The following ABCF2 variants were observed in gnomAD, a reference collection of about 807,000 sequenced individuals.
ABCF2 encodes the protein ATP binding cassette subfamily F member 2, also known as ATP-binding cassette sub-family F member 2.
Under a neutral mutation model 76.9 loss-of-function variants are expected in ABCF2, and 37 were observed. The ratio of observed to expected loss-of-function variants is 0.48; its 90% CI spans 0.37 to 0.63. The LOEUF (loss-of-function observed/expected upper bound fraction) is 0.63. Among genes scored for constraint, ABCF2 ranks in the 30% least tolerant of loss-of-function variants. The pLI, the probability that ABCF2 is intolerant of heterozygous loss-of-function variation, is 0.00. For missense variants in ABCF2, 524 were observed against 782.1 expected, an observed-to-expected ratio of 0.67 and a Z score of 3.94; for synonymous variants, 299 against 283.7, an observed-to-expected ratio of 1.05 and a Z score of -0.54.
At chr7:151,221,884 C>CT in intron 6 of ABCF2, 1 of 515,946 alleles carries the variant, frequency 1.9e-6, no homozygotes, top group Non-Finnish European at 3.5e-6. Context: ...GCGAGACAGC[C>CT]TGAGTTTCCT....
rs539483632 is a variant in ABCF2, at chr7:151,215,229, C to T, written c.1531-147G>A. ...AGAGAGACCCACTAGTCTCTTGAGG[C>T]CTGAAAGAGACTCATCCGGAAACCT... On this transcript the variant is annotated intron_variant, in intron 13 of 14. Transcript: ENST00000287844. This position sits in a 1 kb window ranked among gnomAD's most constrained non-coding sequence, Gnocchi z 4.6. The T allele has an allele frequency of 6.1e-4, 496 of 807,502 alleles. 2 individuals carry two copies. The highest frequency in any genetic ancestry group is 9.1e-4 in the Non-Finnish European group (465 of 509,712). The allele number at this position is 807,502 out of a possible 1,614,324, so 50.0% of individuals were successfully genotyped here.
chr7:151,220,645 G>A (rs1802248611), intron 7 of ABCF2, among the ~76,000 whole-genome samples: 1 of 152,140 alleles, frequency 6.6e-6, no homozygotes, highest in Non-Finnish European at 1.5e-5. Context: ...CATGGGAGGT[G>A]GGGTAAATGT....
intron 3 of ABCF2, among the ~76,000 whole-genome samples, 191 bp downstream of exon 3, chr7:151,224,585 G>A: frequency 6.6e-6 from 1 of 152,202 alleles, no homozygotes; most frequent in East Asian, 1.9e-4. Flanking sequence ...AAGCATTTCA[G>A]ATAAGGGATA....
Position 151,212,221 on chromosome 7 carries a change from G to T in ABCF2, c.*1833C>A. ...CTTCCCATAGGGATGGCTGATTTCA[G>T]AGGCAGAGTGATGAATCCACACCAG... On this transcript the variant is annotated 3_prime_UTR_variant, in exon 15 of 15. Transcript: ENST00000287844. The T allele has an allele frequency of 1.0e-6, 1 of 985,462 alleles. No individual in the cohort carries two copies. The highest frequency in any genetic ancestry group is 1.2e-6 in the Non-Finnish European group (1 of 829,936). The allele number at this position is 985,462 out of a possible 1,614,324, so 61.0% of individuals were successfully genotyped here.
At position 151,214,121 on chromosome 7, in the gene ABCF2, T is replaced by G; in HGVS notation, c.1805A>C (p.Lys602Thr). 1 of 1,614,204 alleles carries G rather than the reference T, an allele frequency of 6.2e-7. No homozygotes were observed. Among genetic ancestry groups the G allele is most frequent in the East Asian group, 2.2e-5 (1 of 44,892 alleles). The change falls in exon 15 of 15, where the codon AAG becomes ACG. Residue 602 changes from lysine (K) to threonine (T), a missense_variant. By Grantham distance (78) the Lys-to-Thr change is moderately conservative. Around this residue, in one of 2 missense-constraint regions of ABCF2, gnomAD observed 194 missense variants for 348.6 expected, o/e 0.56. Coordinates refer to ENST00000287844, the MANE Select transcript of ABCF2 (RefSeq NM_007189.3). The surrounding 1 kb of genome is among the most constrained non-coding windows in gnomAD (Gnocchi z 4.9). The stretch of plus-strand genomic sequence containing the variant: ...CACCAGCTTGGACTTGAGGTGCTCC[T>G]TGTAAGCCAGGATGTCTCCAGGCCA... ...TKWPGDILAY[K>T]EHLKSKLVDE...
In ABCF2 at chr7:151,213,571, C is replaced by A; in HGVS notation, c.*483G>T. 1 of 987,672 alleles carries A rather than the reference C, an allele frequency of 1.0e-6. No individual in the cohort carries two copies. Among genetic ancestry groups the A allele is most frequent in the Non-Finnish European group, 1.2e-6 (1 of 831,712 alleles). 61.2% of individuals were successfully genotyped at this position (987,672 alleles called of 1,614,324 possible). ...TCACGCAGGTCTAAAAGTTACACTG[C>A]TAAATAATTATTTAAAAACTGACCA... On this transcript the variant is annotated 3_prime_UTR_variant, in exon 15 of 15. Coordinates refer to ENST00000287844, the MANE Select transcript of ABCF2 (RefSeq NM_007189.3).
At position 151,212,107 on chromosome 7, in the gene ABCF2, T is replaced by G. The variant is rs1402279306; in HGVS notation, c.*1947A>C. On this transcript the variant is annotated 3_prime_UTR_variant, in exon 15 of 15. Coordinates refer to ENST00000287844, the MANE Select transcript of ABCF2 (RefSeq NM_007189.3). ...TCTTACTGGCTTTCCAAGAAGATCA[T>G]GAGCTCCTAAGGGGTTTAAGCACCA... The G allele has an allele frequency of 3.2e-5, 31 of 981,806 alleles. No homozygotes were observed. Among genetic ancestry groups the G allele is most frequent in the Non-Finnish European group, 3.7e-5 (31 of 826,676 alleles). 60.8% of individuals were successfully genotyped at this position (981,806 alleles called of 1,614,324 possible). A position where few individuals can be genotyped will look rare whatever the true frequency, so the allele number is the denominator to read the frequency against.
intron 6 of ABCF2, 136 bp downstream of exon 6, chr7:151,222,385 T>C (rs1802286551): frequency 3.2e-6 from 2 of 619,640 alleles, no homozygotes; most frequent in Non-Finnish European, 5.6e-6. Context: ...GCTCACTGCT[T>C]GTCCAAGAAA....
At chr7:151,221,916 A>T in intron 6 of ABCF2, 1 of 473,960 alleles carries the variant, frequency 2.1e-6, no homozygotes, top group Middle Eastern at 5.1e-4. Flanking sequence ...TCTAATTTTC[A>T]ACAGAATGGG....
chr7:151,216,061 A>G (rs1317414463), intron 11 of ABCF2, 32 bp from the exon 12 acceptor site: 2 of 1,595,306 alleles, frequency 1.3e-6, no homozygotes, highest in South Asian at 1.1e-5. Flanking sequence ...CGTAAGCATG[A>G]AACAAAGGAA....
chr7:151,216,245 A>C (rs1207509847), intron 11 of ABCF2, among the ~76,000 whole-genome samples: 2 of 152,242 alleles, frequency 1.3e-5, no homozygotes, highest in African/African-American at 4.8e-5. Flanking sequence ...GATACAATTT[A>C]AGTAGTTATA....
At position 151,218,615 on chromosome 7, in the gene ABCF2, G is replaced by A; in HGVS notation, c.1173C>T (p.Ile391=). 6.2e-7 allele frequency: 1 copy of A among 1,614,106 alleles called. No individual in the cohort carries two copies. The highest frequency in any genetic ancestry group is 8.5e-7 in the Non-Finnish European group (1 of 1,180,024). The part of the protein sequence containing the change: ...LSFYFPPCGK[I]PPPVIMVQNV... ...TTTGCACCATAATGACAGGTGGAGG[G>A]ATCTTGCCACATGGTGGGAAATAAA... The change falls in exon 10 of 15, where the codon ATC becomes ATT. Residue 391 remains isoleucine, a synonymous_variant. Coordinates refer to ENST00000287844, the MANE Select transcript of ABCF2 (RefSeq NM_007189.3).
intron 2 of ABCF2, 126 bp from the exon 3 acceptor site, chr7:151,225,114 G>A: frequency 1.2e-6 from 1 of 840,304 alleles, no homozygotes; most frequent in Non-Finnish European, 2.0e-6. Context: ...ACTTTACAGA[G>A]TGCACAATGA....
chr7:151,220,415 T>C lies in ABCF2; in HGVS notation c.921+1163A>G, dbSNP rs543292118. ...AAAAAAAAAAAAAAAAAAGCTGCAA[T>C]TGTATAAAAAGAAAAAGATTACGTA... On this transcript the variant is annotated intron_variant, in intron 7 of 14. Transcript: ENST00000287844. 1.1e-4 allele frequency among the ~76,000 whole-genome samples: 16 copies of C among 147,118 alleles called. No homozygotes were observed. The South Asian group carries it at 3.4e-3, about 31-fold the overall frequency.
chr7:151,220,920 A>C (rs1802253996), intron 7 of ABCF2, among the ~76,000 whole-genome samples: 1 of 152,224 alleles, frequency 6.6e-6, no homozygotes, highest in African/African-American at 2.4e-5. Context: ...TTCAGGAAGT[A>C]GAGGTTGCAG....
Position 151,214,732 on chromosome 7 carries a change from A to G in ABCF2, c.1734+147T>C, listed in dbSNP as rs1403606341. 5.7e-6 allele frequency: 4 copies of G among 701,662 alleles called. No homozygotes were observed. The highest frequency in any genetic ancestry group is 9.5e-6 in the Non-Finnish European group (4 of 422,714). The allele number at this position is 701,662 out of a possible 1,614,324, so 43.5% of individuals were successfully genotyped here. On this transcript the variant is annotated intron_variant, in intron 14 of 14. Transcript: ENST00000287844. The surrounding 1 kb of genome is among the most constrained non-coding windows in gnomAD (Gnocchi z 4.9). ...TTCTAAGTAGCCCCAAAGAGGCATA[A>G]GAACTGGTCCTCACCACCTGTGTCT...
intron 5 of ABCF2, among the ~76,000 whole-genome samples, chr7:151,223,012 G>A (rs907940806): frequency 7.2e-5 from 11 of 152,196 alleles, no homozygotes; most frequent in Non-Finnish European, 1.3e-4. Flanking sequence ...AGAGTCTAGC[G>A]AGGGATAGAC....
At chr7:151,222,244 TTTAA>T (rs2150575481) in intron 6 of ABCF2, among the ~76,000 whole-genome samples, 1 of 152,176 alleles carries the variant, frequency 6.6e-6, no homozygotes, top group South Asian at 2.1e-4. Flanking sequence ...AAAATATATC[TTTAA>T]TTAAGATCTT....
chr7:151,224,086 C>T lies in ABCF2; in HGVS notation c.396G>A (p.Gly132=). Residue 132 remains glycine (G), a synonymous_variant, in exon 4 of 15, where the codon GGG becomes GGA. Transcript: ENST00000287844. ...IGKSMLLSAI[G]KREVPIPEHI... ...GCTCAGGGATGGGCACTTCACGCTT[C>T]CCAATAGCAGAGAGCAGCATGGACT... The T allele has an allele frequency of 6.2e-7, 1 of 1,614,202 alleles. No homozygotes were observed. Among genetic ancestry groups the T allele is most frequent in the Non-Finnish European group, 8.5e-7 (1 of 1,180,032 alleles).
Sources: gnomAD v4.1 joint callset for allele counts (sites outside exome capture counted in the v4.1 genomes callset) on GRCh38, gnomAD v4.1.1 for gene constraint, gnomAD v4.1.1 regional missense constraint, Gnocchi (gnomAD v3.1) non-coding constraint, MANE v1.5 for transcripts, NCBI Gene and HGNC (gene_info 2026-07-23, HGNC 2026-07-21) for gene names.